The following ENAH variants were observed in gnomAD, a reference collection of about 807,000 sequenced individuals.
The protein encoded by ENAH is protein enabled homolog.
Under a neutral mutation model 78.7 loss-of-function variants are expected in ENAH, and 23 were observed. That is an observed-to-expected ratio of 0.29 (90% CI 0.21 to 0.41). The LOEUF is 0.41. Among genes scored for constraint, ENAH ranks in the 10% least tolerant of loss-of-function variants. The pLI, the probability that ENAH is intolerant of heterozygous loss-of-function variation, is 1.00. For synonymous variants in ENAH, 226 were observed against 241.0 expected, an observed-to-expected ratio of 0.94 and a Z score of 0.58; for missense variants, 544 against 691.0, an observed-to-expected ratio of 0.79 and a Z score of 2.39.
chr1:225,527,372 G>A (rs1043813855), intron 4 of ENAH, among the ~76,000 whole-genome samples: 9 of 152,068 alleles, frequency 5.9e-5, no homozygotes, highest in Non-Finnish European at 1.2e-4. Flanking sequence ...AATAAATTTT[G>A]GAAATATAAT....
intron 1 of ENAH, among the ~76,000 whole-genome samples, chr1:225,616,200 G>C (rs546140189): frequency 6.6e-6 from 1 of 151,986 alleles, no homozygotes; most frequent in African/African-American, 2.4e-5. Flanking sequence ...GCGGAAGGCC[G>C]CAGGGTCCTC....
At chr1:225,565,446 A>T (rs1028254863) in intron 2 of ENAH, among the ~76,000 whole-genome samples, 5 of 152,200 alleles carry the variant, frequency 3.3e-5, no homozygotes, top group East Asian at 3.9e-4. Context: ...AAATAATAAA[A>T]AAAAAAAAGA....
intron 3 of ENAH, among the ~76,000 whole-genome samples, chr1:225,543,754 G>C (rs557911507): frequency 2.0e-5 from 3 of 152,228 alleles, no homozygotes; most frequent in East Asian, 1.9e-4. Flanking sequence ...TCTTAGATTA[G>C]AACAGCATCT....
chr1:225,582,061 T>C (rs1308608842), intron 1 of ENAH, among the ~76,000 whole-genome samples: 3 of 152,004 alleles, frequency 2.0e-5, no homozygotes, highest in African/African-American at 7.2e-5. Context: ...TGGTGCAAGG[T>C]GACAGGATAA....
At chr1:225,574,560 C>A (rs1465172654) in intron 1 of ENAH, among the ~76,000 whole-genome samples, 1 of 151,770 alleles carries the variant, frequency 6.6e-6, no homozygotes, top group Non-Finnish European at 1.5e-5. Flanking sequence ...CAACAGTACG[C>A]CACTGCACTC....
At chr1:225,506,239 G>A (rs1310359619) in intron 11 of ENAH, among the ~76,000 whole-genome samples, 1 of 152,188 alleles carries the variant, frequency 6.6e-6, no homozygotes, top group Admixed American at 6.5e-5. Context: ...GCAGACTGGA[G>A]TGCAATAGCG....
intron 1 of ENAH, among the ~76,000 whole-genome samples, chr1:225,646,650 G>A (rs534203311): frequency 2.6e-5 from 4 of 152,044 alleles, no homozygotes; most frequent in Middle Eastern, 6.8e-3. Flanking sequence ...TTAGCCAGGC[G>A]TGGTGGCAGG....
At chr1:225,522,702 A>G (rs2096478988) in intron 4 of ENAH, among the ~76,000 whole-genome samples, 1 of 152,232 alleles carries the variant, frequency 6.6e-6, no homozygotes, top group Non-Finnish European at 1.5e-5. Flanking sequence ...TAAATTTCAG[A>G]TAATTCAACC....
intron 1 of ENAH, among the ~76,000 whole-genome samples, chr1:225,583,332 A>C (rs2096828598): frequency 6.7e-6 from 1 of 149,034 alleles, no homozygotes; most frequent in Admixed American, 6.8e-5. Flanking sequence ...GCTACTCAGG[A>C]GGCTGAGGTG....
chr1:225,517,410 G>C (rs1180631114), intron 5 of ENAH, 104 bp from the exon 6 acceptor site: 2 of 1,551,702 alleles, frequency 1.3e-6, no homozygotes, highest in Non-Finnish European at 1.7e-6. Context: ...AGAGTGATGC[G>C]AGGGAAGGCA....
intron 1 of ENAH, among the ~76,000 whole-genome samples, chr1:225,649,637 T>G (rs931710957): frequency 3.9e-5 from 6 of 152,180 alleles, no homozygotes; most frequent in Admixed American, 2.6e-4. Context: ...GTATAAGTAA[T>G]ATGCTTTTTC....
intron 3 of ENAH, among the ~76,000 whole-genome samples, chr1:225,547,389 T>G (rs535458595): frequency 1.3e-5 from 2 of 152,096 alleles, no homozygotes; most frequent in African/African-American, 4.8e-5. Context: ...ATTATTAACA[T>G]ATGAGAATAG....
At chr1:225,583,452 A>G (rs866424301) in intron 1 of ENAH, among the ~76,000 whole-genome samples, 389 of 148,996 alleles carry the variant, frequency 2.6e-3, no homozygotes, top group South Asian at 4.1e-3. Context: ...AAAAAAAAAA[A>G]AGAGAGAGAG....
chr1:225,652,632 C>A, intron 1 of ENAH, 54 bp downstream of exon 1: 3 of 1,260,920 alleles, frequency 2.4e-6, no homozygotes, highest in Non-Finnish European at 3.0e-6. Context: ...GAACGGGGGT[C>A]GCGGCTCCCG....
At chr1:225,524,656 T>C in intron 4 of ENAH, 1 of 985,236 alleles carries the variant, frequency 1.0e-6, no homozygotes, top group Non-Finnish European at 1.2e-6. Flanking sequence ...AGGAGGGCTA[T>C]ACACTCTCAT....
chr1:225,652,960 AC>A lies in ENAH; in HGVS notation c.-271del. 2.8e-6 allele frequency: 1 copy of A among 360,322 alleles called. No individual in the cohort carries two copies. The highest frequency in any genetic ancestry group is 4.9e-6 in the Non-Finnish European group (1 of 202,370). The allele number at this position is 360,322 out of a possible 1,614,324, so 22.3% of individuals were successfully genotyped here. A position where few individuals can be genotyped will look rare whatever the true frequency, so the allele number is the denominator to read the frequency against. ...GGTCCCCAGGCGGCCGCCGCCTCCC[AC>A]CTCCTCGTGGTCCTGCTCCTCCTCC... is the stretch of plus-strand genomic sequence containing the variant. On this transcript the variant is annotated 5_prime_UTR_variant, in exon 1 of 14. Coordinates refer to ENST00000366843, the MANE Select transcript of ENAH (RefSeq NM_018212.6).
Position 225,489,418 on chromosome 1 carries a change from T to C in ENAH, c.*8357A>G, listed in dbSNP as rs1397585387. 6.6e-6 allele frequency: 1 copy of C among 152,184 alleles called. No homozygotes were observed. Among genetic ancestry groups the C allele is most frequent in the African/African-American group, 2.4e-5 (1 of 41,448 alleles). The allele number at this position is 152,184 out of a possible 1,614,324, so 9.4% of individuals were successfully genotyped here. A position where few individuals can be genotyped will look rare whatever the true frequency, so the allele number is the denominator to read the frequency against. On this transcript the variant is annotated 3_prime_UTR_variant, in exon 14 of 14. Coordinates refer to ENST00000366843, the MANE Select transcript of ENAH (RefSeq NM_018212.6). ...TTATGCAACACCACTGACCCCAAGA[T>C]GGTCACTCCATTGATTTTTCCGCAT...
At chr1:225,511,362 G>T (rs976538863) in intron 10 of ENAH, among the ~76,000 whole-genome samples, 1 of 152,158 alleles carries the variant, frequency 6.6e-6, no homozygotes, top group Non-Finnish European at 1.5e-5. Flanking sequence ...AATTCTCAAT[G>T]TCAGAAATTT....
At chr1:225,572,272 G>A (rs2096766884) in intron 1 of ENAH, among the ~76,000 whole-genome samples, 1 of 152,042 alleles carries the variant, frequency 6.6e-6, no homozygotes, top group African/African-American at 2.4e-5. Flanking sequence ...ATAAATTGGT[G>A]GTAAGCAGTT....
Sources: gnomAD v4.1 joint callset for allele counts (sites outside exome capture counted in the v4.1 genomes callset) on GRCh38, gnomAD v4.1.1 for gene constraint, MANE v1.5 for transcripts, NCBI Gene and HGNC (gene_info 2026-07-23, HGNC 2026-07-21) for gene names.